MECOM: variants seen among roughly 807,000 people sequenced by gnomAD.
MECOM encodes MDS1 and EVI1 complex locus.
MECOM carries 13 observed loss-of-function variants against 116.3 expected under a neutral mutation model. The ratio of observed to expected loss-of-function variants is 0.11; its 90% CI spans 0.07 to 0.18. The LOEUF (loss-of-function observed/expected upper bound fraction) is 0.18. Among genes scored for constraint, MECOM ranks in the 10% least tolerant of loss-of-function variants. The pLI, the probability that MECOM is intolerant of heterozygous loss-of-function variation, is 1.00. For synonymous variants in MECOM, 528 were observed against 535.2 expected (o/e 0.99, Z 0.19); for missense variants, 1,299 against 1,509.0 (o/e 0.86, Z 2.31).
chr3:169,431,254 A>T (rs1050287445), intron 1 of MECOM, among the ~76,000 whole-genome samples: 21 of 152,180 alleles, frequency 1.4e-4, no homozygotes, highest in Admixed American at 8.5e-4. Context: ...GCCTTTCTTC[A>T]AGTGGGAGGA....
chr3:169,245,363 C>T (rs1384538392), intron 2 of MECOM, among the ~76,000 whole-genome samples: 1 of 152,042 alleles, frequency 6.6e-6, no homozygotes, highest in African/African-American at 2.4e-5. Context: ...AAAGCCAAAG[C>T]TTTGAATAAA....
chr3:169,562,024 T>C (rs1459018255), intron 1 of MECOM, among the ~76,000 whole-genome samples: 2 of 150,258 alleles, frequency 1.3e-5, no homozygotes, highest in African/African-American at 2.5e-5. Context: ...TGTGTGCCTA[T>C]AGTCCCAGCT....
At chr3:169,164,366 C>G (rs1272741138) in intron 2 of MECOM, among the ~76,000 whole-genome samples, 2 of 152,164 alleles carry the variant, frequency 1.3e-5, no homozygotes, top group African/African-American at 4.8e-5. Context: ...TGAGGCCTCC[C>G]TAGCTATGTG....
chr3:169,383,248 G>A (rs1577935522), intron 1 of MECOM, among the ~76,000 whole-genome samples: 1 of 152,236 alleles, frequency 6.6e-6, no homozygotes, highest in East Asian at 1.9e-4. Context: ...CTGAGATAAT[G>A]CCATTTAAAC....
intron 1 of MECOM, among the ~76,000 whole-genome samples, chr3:169,576,838 C>CAG (rs59983835): frequency 0.012 from 1,465 of 124,888 alleles, 11 homozygotes; most frequent in Middle Eastern, 0.021. Flanking sequence ...CACACACACA[C>CAG]AGAGAGAGAG....
chr3:169,617,402 A>G (rs1321367838), intron 1 of MECOM, among the ~76,000 whole-genome samples: 1 of 152,248 alleles, frequency 6.6e-6, no homozygotes, highest in African/African-American at 2.4e-5. Flanking sequence ...CTCAGATTCT[A>G]GTTCAGTAGA....
At chr3:169,314,400 A>G (rs998594492) in intron 2 of MECOM, among the ~76,000 whole-genome samples, 4 of 152,366 alleles carry the variant, frequency 2.6e-5, no homozygotes, top group African/African-American at 9.6e-5. Context: ...GGGGATTTAT[A>G]GCACGTGCAT....
intron 2 of MECOM, among the ~76,000 whole-genome samples, chr3:169,166,883 G>C (rs953268501): frequency 1.3e-5 from 2 of 152,076 alleles, no homozygotes; most frequent in Non-Finnish European, 2.9e-5. Context: ...ACTGCACTTG[G>C]CCCTTTTTTT....
At chr3:169,661,609 C>T (rs1323276446) in intron 1 of MECOM, among the ~76,000 whole-genome samples, 1 of 152,140 alleles carries the variant, frequency 6.6e-6, no homozygotes, top group Non-Finnish European at 1.5e-5. Context: ...TGGGTGAGGA[C>T]TGCACAAAGC....
intron 16 of MECOM, among the ~76,000 whole-genome samples, chr3:169,085,649 G>A (rs971585162): frequency 6.6e-6 from 1 of 152,158 alleles, no homozygotes; most frequent in Non-Finnish European, 1.5e-5. Context: ...GCACCCATAA[G>A]TTGAGGTGGA....
At chr3:169,099,349 T>C (rs545823308) in intron 12 of MECOM, among the ~76,000 whole-genome samples, 1 of 152,316 alleles carries the variant, frequency 6.6e-6, no homozygotes, top group South Asian at 2.1e-4. Context: ...TTCCTTCCAC[T>C]TAAGCAGAAT....
chr3:169,191,786 GAAA>G lies in MECOM; in HGVS notation c.376-47957_376-47955del, dbSNP rs1559974136. The stretch of plus-strand genomic sequence containing the variant: ...AGAAAGAAAGAAAGAAAGAAAGAAA[GAAA>G]GAAAGGGAGGGAAGGATAAATCTCT... On this transcript the variant is annotated intron_variant, in intron 2 of 16. Coordinates refer to ENST00000651503, the MANE Select transcript of MECOM (RefSeq NM_004991.4). Among the ~76,000 whole-genome samples the G allele has an allele frequency of 2.7e-4, 40 of 148,060 alleles. No individual in the cohort carries two copies. In the East Asian group the frequency reaches 5.2e-3, roughly 19 times the overall value.
At chr3:169,320,497 C>T (rs777057877) in intron 2 of MECOM, among the ~76,000 whole-genome samples, 1 of 152,142 alleles carries the variant, frequency 6.6e-6, no homozygotes, top group Non-Finnish European at 1.5e-5. Context: ...AAGACTAACC[C>T]TTTCCCAGGT....
At chr3:169,414,085 C>T (rs1389140206) in intron 1 of MECOM, among the ~76,000 whole-genome samples, 1 of 152,192 alleles carries the variant, frequency 6.6e-6, no homozygotes, top group Non-Finnish European at 1.5e-5. Context: ...CCCGTGCCTC[C>T]TGAGAGGGAG....
chr3:169,418,660 A>G (rs1021242531), intron 1 of MECOM, among the ~76,000 whole-genome samples: 1 of 152,180 alleles, frequency 6.6e-6, no homozygotes, highest in Non-Finnish European at 1.5e-5. Context: ...TGATTATCTC[A>G]ATAGATGCAG....
intron 1 of MECOM, among the ~76,000 whole-genome samples, chr3:169,432,858 T>C (rs959606152): frequency 2.6e-5 from 4 of 152,224 alleles, no homozygotes; most frequent in Admixed American, 2.6e-4. Context: ...GTGCCAAGAT[T>C]CTGCTCCAGC....
chr3:169,495,408 C>T (rs952479075), intron 1 of MECOM, among the ~76,000 whole-genome samples: 2 of 152,150 alleles, frequency 1.3e-5, no homozygotes, highest in South Asian at 2.1e-4. Context: ...TATTTCTAAA[C>T]ACACCATATT....
At chr3:169,450,958 C>A (rs1170280017) in intron 1 of MECOM, among the ~76,000 whole-genome samples, 1 of 152,142 alleles carries the variant, frequency 6.6e-6, no homozygotes, top group Non-Finnish European at 1.5e-5. Flanking sequence ...TTCCACTTAG[C>A]TTAACTGTTT....
intron 1 of MECOM, among the ~76,000 whole-genome samples, 199 bp downstream of exon 1, chr3:169,663,137 G>T (rs980514374): frequency 1.7e-4 from 26 of 149,008 alleles, no homozygotes; most frequent in African/African-American, 5.9e-4. Context: ...CTCCTCCGGC[G>T]CCCAACCCGG....
Sources: allele counts gnomAD v4.1 joint callset (sites outside exome capture counted in the v4.1 genomes callset), GRCh38; gene constraint gnomAD v4.1.1; transcripts MANE v1.5; gene names NCBI Gene and HGNC (gene_info 2026-07-23, HGNC 2026-07-21).